HMGA2: variants seen among roughly 807,000 people sequenced by gnomAD.
HMGA2 encodes the protein high mobility group protein HMGI-C.
Under a neutral mutation model 19.1 loss-of-function variants are expected in HMGA2, and 8 were observed. That is an observed-to-expected ratio of 0.42 (90% CI 0.25 to 0.76). HMGA2 has a LOEUF of 0.76. Ranked by LOEUF, HMGA2 falls within the 30% of genes least tolerant of loss-of-function variation. The pLI, the probability that HMGA2 is intolerant of heterozygous loss-of-function variation, is 0.28. For synonymous variants in HMGA2, 60 were observed against 48.8 expected, an observed-to-expected ratio of 1.23 and a Z score of -0.96; for missense variants, 109 against 136.3, an observed-to-expected ratio of 0.80 and a Z score of 1.00.
At chr12:65,853,740 G>A (rs1871590798) in intron 3 of HMGA2, among the ~76,000 whole-genome samples, 1 of 152,156 alleles carries the variant, frequency 6.6e-6, no homozygotes, top group Non-Finnish European at 1.5e-5. Context: ...CCTGGTCTAG[G>A]CAGCTCAATG....
intron 3 of HMGA2, among the ~76,000 whole-genome samples, chr12:65,879,665 A>G (rs1873257957): frequency 6.6e-6 from 1 of 152,226 alleles, no homozygotes; most frequent in African/African-American, 2.4e-5. Flanking sequence ...TCTAGATGCT[A>G]TACTTCTCAA....
intron 3 of HMGA2, among the ~76,000 whole-genome samples, chr12:65,930,247 T>C (rs1306509034): frequency 2.0e-5 from 3 of 152,216 alleles, no homozygotes; most frequent in African/African-American, 4.8e-5. Context: ...AGAAAGGGTC[T>C]ATTGAACTTT....
In HMGA2 at chr12:65,966,096, ATTCTTTG is replaced by A. The variant is rs1876902223; in HGVS notation, c.*2811_*2817del. 3 of 214,814 alleles carry A rather than the reference ATTCTTTG, an allele frequency of 1.4e-5. No individual in the cohort carries two copies. Among genetic ancestry groups the A allele is most frequent in the Non-Finnish European group, 2.8e-5 (3 of 106,126 alleles). 13.3% of individuals were successfully genotyped at this position (214,814 alleles called of 1,614,324 possible). A position where few individuals can be genotyped will look rare whatever the true frequency, so the allele number is the denominator to read the frequency against. On this transcript the variant is annotated 3_prime_UTR_variant, in exon 5 of 5. Coordinates refer to ENST00000403681, the MANE Select transcript of HMGA2 (RefSeq NM_003483.6). ...GTTCCTTTGAGTGTCTTCTAACTTT[ATTCTTTG>A]TTCTTTATGTAGAATTGCTGTCTAT...
At chr12:65,948,978 G>A (rs1035992938) in intron 3 of HMGA2, among the ~76,000 whole-genome samples, 1 of 152,150 alleles carries the variant, frequency 6.6e-6, no homozygotes, top group Non-Finnish European at 1.5e-5. Flanking sequence ...GATTTGAAAC[G>A]GTTTGGGAGT....
intron 3 of HMGA2, chr12:65,858,953 G>A (rs1317478384): frequency 2.0e-5 from 3 of 152,158 alleles, no homozygotes; most frequent in African/African-American, 4.8e-5. Flanking sequence ...CTGGGATATT[G>A]CCACCCTTGA....
At chr12:65,904,766 TG>T (rs1874514805) in intron 3 of HMGA2, among the ~76,000 whole-genome samples, 1 of 151,982 alleles carries the variant, frequency 6.6e-6, no homozygotes, top group Admixed American at 6.6e-5. Flanking sequence ...AATTATAGAG[TG>T]AAACTGTATA....
intron 3 of HMGA2, among the ~76,000 whole-genome samples, chr12:65,905,317 G>T (rs1658115556): frequency 1.3e-5 from 2 of 152,002 alleles, no homozygotes; most frequent in African/African-American, 4.8e-5. Context: ...TAAAAAAATT[G>T]AATATTGTCT....
chr12:65,902,827 T>C (rs975399669), intron 3 of HMGA2, among the ~76,000 whole-genome samples: 12 of 152,308 alleles, frequency 7.9e-5, no homozygotes, highest in Admixed American at 3.9e-4. Flanking sequence ...CGGTGTGGCC[T>C]AAGATAATTC....
At chr12:65,865,113 C>T (rs1201426257) in intron 3 of HMGA2, among the ~76,000 whole-genome samples, 1 of 152,116 alleles carries the variant, frequency 6.6e-6, no homozygotes, top group African/African-American at 2.4e-5. Context: ...CAAATTTTCT[C>T]TCTTGCTTGT....
intron 2 of HMGA2, among the ~76,000 whole-genome samples, chr12:65,833,192 G>A (rs1870549924): frequency 6.6e-6 from 1 of 152,042 alleles, no homozygotes; most frequent in Non-Finnish European, 1.5e-5. Context: ...TACAGAACTG[G>A]ATTATCAAAA....
At chr12:65,870,229 G>T (rs1872642047) in intron 3 of HMGA2, among the ~76,000 whole-genome samples, 1 of 152,162 alleles carries the variant, frequency 6.6e-6, no homozygotes, top group African/African-American at 2.4e-5. Context: ...CAGGTGTTAG[G>T]CTGAGCACAT....
chr12:65,955,984 C>T (rs1226816077), intron 4 of HMGA2: 3 of 152,152 alleles, frequency 2.0e-5, no homozygotes, highest in African/African-American at 4.8e-5. Flanking sequence ...GTCAGCATCT[C>T]GTTCTCAAAG....
intron 3 of HMGA2, among the ~76,000 whole-genome samples, chr12:65,850,395 C>T (rs542768568): frequency 6.6e-6 from 1 of 152,182 alleles, no homozygotes; most frequent in African/African-American, 2.4e-5. Flanking sequence ...TGCATTGTTT[C>T]CTGCTATGAT....
intron 1 of HMGA2, among the ~76,000 whole-genome samples, chr12:65,827,329 C>T (rs551978674): frequency 7.9e-4 from 120 of 152,200 alleles, no homozygotes; most frequent in East Asian, 1.9e-3. Flanking sequence ...GGAGGCCATG[C>T]CTGCATCTCC....
chr12:65,948,988 T>A (rs938405879), intron 3 of HMGA2, among the ~76,000 whole-genome samples: 3 of 151,928 alleles, frequency 2.0e-5, no homozygotes, highest in Non-Finnish European at 4.4e-5. Context: ...GGTTTGGGAG[T>A]AAACATGTGT....
At chr12:65,948,125 C>T (rs1477039534) in intron 3 of HMGA2, among the ~76,000 whole-genome samples, 1 of 152,048 alleles carries the variant, frequency 6.6e-6, no homozygotes, top group Non-Finnish European at 1.5e-5. Flanking sequence ...CTTGGTTTCC[C>T]TGTGAGAAAA....
intron 4 of HMGA2, chr12:65,955,782 G>A (rs543787203): frequency 6.6e-6 from 1 of 152,322 alleles, no homozygotes; most frequent in South Asian, 2.1e-4. Flanking sequence ...TGTGGGTGGT[G>A]TGCACCCGGG....
chr12:65,889,360 C>T (rs895486595), intron 3 of HMGA2, among the ~76,000 whole-genome samples: 1 of 152,168 alleles, frequency 6.6e-6, no homozygotes, highest in Non-Finnish European at 1.5e-5. Flanking sequence ...AACAAAGTGA[C>T]CTTAGCACTG....
rs1267460970 is a variant in HMGA2, at chr12:65,934,643, AC to A, written c.250-16739del. The A allele has an allele frequency of 5.3e-5, 8 of 152,316 alleles. No individual in the cohort carries two copies. The South Asian group carries it at 1.7e-3, about 32-fold the overall frequency. 9.4% of individuals were successfully genotyped at this position (152,316 alleles called of 1,614,324 possible). The stretch of plus-strand genomic sequence containing the variant: ...TGTTTGTGATGAGCAGAACTGAGGC[AC>A]TTTTGTTCTGATGCTTACATTTGTT... On this transcript the variant is annotated intron_variant, in intron 3 of 4. Transcript: ENST00000403681.
Sources: gnomAD v4.1 joint callset for allele counts (sites outside exome capture counted in the v4.1 genomes callset) on GRCh38, gnomAD v4.1.1 for gene constraint, MANE v1.5 for transcripts, NCBI Gene and HGNC (gene_info 2026-07-23, HGNC 2026-07-21) for gene names.